DMPK: variants seen among roughly 807,000 people sequenced by gnomAD.
DMPK encodes the protein myotonin-protein kinase.
DMPK carries 32 observed loss-of-function variants against 70.3 expected under a neutral mutation model. The ratio of observed to expected loss-of-function variants is 0.46; its 90% CI spans 0.34 to 0.61. The LOEUF (loss-of-function observed/expected upper bound fraction) is 0.61. Ranked by LOEUF, DMPK falls within the 20% of genes least tolerant of loss-of-function variation. The pLI is 0.01. For missense variants in DMPK, 899 were observed against 886.0 expected (o/e 1.01, Z -0.19); for synonymous variants, 469 against 390.9 (o/e 1.20, Z -2.36).
chr19:45,777,686 C>A lies in DMPK; in HGVS notation c.863G>T (p.Gly288Val), dbSNP rs1381825552. 10 of 1,613,916 alleles carry A rather than the reference C, an allele frequency of 6.2e-6. No individual in the cohort carries two copies. The highest frequency in any genetic ancestry group is 1.7e-5 in the Admixed American group (1 of 60,012). ...FYADSTAETY[G>V]KIVHYKEHLS... ...GCTCACCTTGTAGTGGACGATCTTG[C>A]CATAGGTCTCCGCCGTGGAATCCGC... The change falls in exon 7 of 15, where the codon GGC becomes GTC. Residue 288 changes from glycine to valine, a missense_variant. Gly to Val is a moderately radical substitution (Grantham distance 109, BLOSUM62 -3). Around this residue, in one of 3 missense-constraint regions of DMPK, gnomAD observed 555 missense variants for 483.8 expected, o/e 1.15. Transcript: ENST00000291270. This position sits in a 1 kb window ranked among gnomAD's most constrained non-coding sequence, Gnocchi z 6.7.
rs769513377 is a variant in DMPK, at chr19:45,778,543, C to G, written c.531G>C (p.Ala177=). The G allele has an allele frequency of 6.2e-7, 1 of 1,613,990 alleles. No individual in the cohort carries two copies. Among genetic ancestry groups the G allele is most frequent in the Non-Finnish European group, 8.5e-7 (1 of 1,180,026 alleles). Residue 177 remains alanine (A), a synonymous_variant, in exon 5 of 15, where the codon GCG becomes GCC. Transcript: ENST00000291270. ...IPAEMARFYL[A]EIVMAIDSVH... is the part of the protein sequence containing the mutation. ...CCGAGTCTATGGCCATGACAATCTC[C>G]GCCAGGTAGAAGCGCGCCATCTCGG...
At position 45,779,422 on chromosome 19, in the gene DMPK, T is replaced by C; in HGVS notation, c.336+17A>G. 6.2e-7 allele frequency: 1 copy of C among 1,613,834 alleles called. No individual in the cohort carries two copies. The highest frequency in any genetic ancestry group is 2.2e-5 in the East Asian group (1 of 44,876). On this transcript the variant is annotated intron_variant, in intron 3 of 14. Transcript: ENST00000291270. The stretch of plus-strand genomic sequence containing the variant: ...GCGCGGATCCTCAAAGCCCCCCACG[T>C]CCGCCCAGCCCCTCACCTCGCCCCT...
chr19:45,774,483 C>T (rs1001326694), intron 9 of DMPK, among the ~76,000 whole-genome samples: 9 of 151,688 alleles, frequency 5.9e-5, no homozygotes, highest in Admixed American at 6.6e-5. Context: ...AGGATGGTCT[C>T]GATCTCCTGA....
Position 45,771,515 on chromosome 19 carries a change from G to C in DMPK, c.1600+53C>G, listed in dbSNP as rs1401561902. ...GTGTCTATACACGCCCCGCGGAGCA[G>C]ACGGCCCACCTCCTCCCGGTCCTCC... is the stretch of plus-strand genomic sequence containing the variant. On this transcript the variant is annotated intron_variant, in intron 12 of 14. Transcript: ENST00000291270. The C allele has an allele frequency of 5.0e-6, 8 of 1,612,498 alleles. No individual in the cohort carries two copies. In the South Asian group the frequency reaches 7.7e-5, roughly 16 times the overall value.
At chr19:45,773,990 C>CT (rs1214164218) in intron 9 of DMPK, among the ~76,000 whole-genome samples, 1 of 144,026 alleles carries the variant, frequency 6.9e-6, no homozygotes, top group Non-Finnish European at 1.5e-5. Flanking sequence ...AAGTTTCACT[C>CT]TTGTTGCCCA....
chr19:45,770,851 C>T, intron 14 of DMPK, 120 bp downstream of exon 14: 1 of 990,886 alleles, frequency 1.0e-6, no homozygotes, highest in Non-Finnish European at 1.4e-6. Context: ...TGATTGGCTG[C>T]CCGAAGATCC....
rs1435624937 is a variant in DMPK at position 45,770,963 on chromosome 19, G to A, written c.1737+8C>T. 2.8e-6 allele frequency: 4 copies of A among 1,420,678 alleles called. No homozygotes were observed. Among genetic ancestry groups the A allele is most frequent in the South Asian group, 1.5e-5 (1 of 66,374 alleles). 88.0% of individuals were successfully genotyped at this position (1,420,678 alleles called of 1,614,324 possible). A position where few individuals can be genotyped will look rare whatever the true frequency, so the allele number is the denominator to read the frequency against. ...ACGGCGGAGGGGGGCGTGGGCAGCCGGACGTACCCTGGCAGGGAGCAGCAG... is the reference window on the plus strand; with the variant it reads ...ACGGCGGAGGGGGGCGTGGGCAGCCAGACGTACCCTGGCAGGGAGCAGCAG... On this transcript the variant is annotated splice_region_variant and intron_variant, in intron 14 of 14. Coordinates refer to ENST00000291270, the MANE Select transcript of DMPK (RefSeq NM_004409.5).
intron 1 of DMPK, chr19:45,780,421 G>T (rs1381583116): frequency 1.5e-6 from 2 of 1,362,820 alleles, no homozygotes; most frequent in South Asian, 2.5e-5. Flanking sequence ...AGGTAGCATG[G>T]TCACATATCC....
chr19:45,780,333 A>G, intron 1 of DMPK: 1 of 1,548,354 alleles, frequency 6.5e-7, no homozygotes, highest in Non-Finnish European at 8.7e-7. Context: ...CTCTAGATTC[A>G]GATGCAGGTG....
rs767999474 is a variant in DMPK, at chr19:45,775,979, C to T, written c.1147-945G>A. 6.7e-4 allele frequency among the ~76,000 whole-genome samples: 71 copies of T among 105,536 alleles called. 23 individuals are homozygous for T. The highest frequency in any genetic ancestry group is 1.3e-3 in the Non-Finnish European group (62 of 49,526). The allele number at this position is 105,536 out of a possible 152,430, so 69.2% of individuals were successfully genotyped here. ...GGAATTACAGGCACCCGAGACCACA[C>T]CCAGCTAATTTTCTTGTATTTTTAG... On this transcript the variant is annotated intron_variant, in intron 8 of 14. Coordinates refer to ENST00000291270, the MANE Select transcript of DMPK (RefSeq NM_004409.5).
intron 8 of DMPK, chr19:45,776,908 G>T (rs1305325343): frequency 5.8e-6 from 1 of 172,638 alleles, no homozygotes; most frequent in African/African-American, 2.4e-5. Context: ...TTCAGCAAAA[G>T]GGCACCCAGA....
rs1323220103 is a variant in DMPK, at chr19:45,779,446, CT to C, written c.328del (p.Arg110GlyfsTer15). 6.2e-7 allele frequency: 1 copy of C among 1,614,040 alleles called. No homozygotes were observed. ...GTCCGCCCAGCCCCTCACCTCGCCC[CT>C]CTTCAGCATGTCCCACTTGTTCATG... ...KIMNKWDMLK[R>X]GEVSCFREER... On this transcript the variant is annotated frameshift_variant, in exon 3 of 15. Coordinates refer to ENST00000291270, the MANE Select transcript of DMPK (RefSeq NM_004409.5). LOFTEE classifies it high-confidence loss of function.
At chr19:45,779,096 T>C in intron 4 of DMPK, 168 bp downstream of exon 4, 1 of 677,176 alleles carries the variant, frequency 1.5e-6, no homozygotes. Context: ...CCGTCTCAGA[T>C]AGGGAAGGCC....
chr19:45,770,409 C>T lies in DMPK; in HGVS notation c.*79G>A. On this transcript the variant is annotated 3_prime_UTR_variant, in exon 15 of 15. Coordinates refer to ENST00000291270, the MANE Select transcript of DMPK (RefSeq NM_004409.5). ...CTCGGAGCGGTTGTGAACTGGCAGG[C>T]GGTGGGCGCGGCTTCTGTGCCGTGC... is the stretch of plus-strand genomic sequence containing the variant. 6.7e-7 allele frequency: 1 copy of T among 1,500,440 alleles called. No individual in the cohort carries two copies. The highest frequency in any genetic ancestry group is 1.2e-5 in the South Asian group (1 of 82,944). 92.9% of individuals were successfully genotyped at this position (1,500,440 alleles called of 1,614,324 possible). A position where few individuals can be genotyped will look rare whatever the true frequency, so the allele number is the denominator to read the frequency against.
In DMPK at chr19:45,779,873, G is replaced by T. The variant is rs369213664; in HGVS notation, c.161-4C>A. 6.2e-6 allele frequency: 10 copies of T among 1,613,460 alleles called. No individual in the cohort carries two copies. The highest frequency in any genetic ancestry group is 8.5e-6 in the Non-Finnish European group (10 of 1,179,858). On this transcript the variant is annotated splice_region_variant and splice_polypyrimidine_tract_variant and intron_variant, in intron 1 of 14. Coordinates refer to ENST00000291270, the MANE Select transcript of DMPK (RefSeq NM_004409.5). ...AGCCTCACCACGATGGGCTCCGCTGGGGGGGTGGTGGGGGAAAAGAACCGA... is the reference window on the plus strand; with the variant it reads ...AGCCTCACCACGATGGGCTCCGCTGTGGGGGTGGTGGGGGAAAAGAACCGA...
At chr19:45,774,030 C>A (rs4803854) in intron 9 of DMPK, among the ~76,000 whole-genome samples, 70,535 of 149,490 alleles carry the variant, frequency 0.47, 17,009 homozygotes, top group East Asian at 0.65. Flanking sequence ...GATCTCAGCT[C>A]ACCACAACCT....
chr19:45,779,795 G>T lies in DMPK; in HGVS notation c.235C>A (p.Arg79Ser), dbSNP rs377694144. Reference protein sequence around the residue: ...DDFEILKVIGRGAFSEVAVVK... With the variant: ...DDFEILKVIGSGAFSEVAVVK... ...CGGCTTACCTCGCTGAACGCCCCGC[G>T]TCCGATCACCTTCAGAATCTCGAAG... is the stretch of plus-strand genomic sequence containing the variant. The change falls in exon 2 of 15, where the codon CGC becomes AGC. Residue 79 changes from arginine to serine, a missense_variant. Arg to Ser is a moderately radical substitution (Grantham distance 110). Coordinates refer to ENST00000291270, the MANE Select transcript of DMPK (RefSeq NM_004409.5). 1 of 1,564,808 alleles carries T rather than the reference G, an allele frequency of 6.4e-7. No individual in the cohort carries two copies. The highest frequency in any genetic ancestry group is 1.2e-5 in the South Asian group (1 of 83,568).
chr19:45,770,713 C>G, intron 14 of DMPK, 73 bp from the exon 15 acceptor site: 1 of 1,488,554 alleles, frequency 6.7e-7, no homozygotes, highest in Non-Finnish European at 9.1e-7. Flanking sequence ...CCGCCTACGC[C>G]CATAGGTGGG....
Position 45,782,429 on chromosome 19 carries a change from G to A in DMPK, c.-77C>T. The A allele has an allele frequency of 7.1e-7, 1 of 1,416,158 alleles. No individual in the cohort carries two copies. The highest frequency in any genetic ancestry group is 9.3e-7 in the Non-Finnish European group (1 of 1,077,306). 87.7% of individuals were successfully genotyped at this position (1,416,158 alleles called of 1,614,324 possible). On this transcript the variant is annotated 5_prime_UTR_variant, in exon 1 of 15. Coordinates refer to ENST00000291270, the MANE Select transcript of DMPK (RefSeq NM_004409.5). ...CCTGTCACAGGGCCTGGCAGCCCCT[G>A]TCCAGGCCCTGGAGCCCTGGCTGCA...
Sources: gnomAD v4.1 joint callset for allele counts (sites outside exome capture counted in the v4.1 genomes callset) on GRCh38, gnomAD v4.1.1 for gene constraint, gnomAD v4.1.1 regional missense constraint, Gnocchi (gnomAD v3.1) non-coding constraint, MANE v1.5 for transcripts, NCBI Gene and HGNC (gene_info 2026-07-23, HGNC 2026-07-21) for gene names.